NEBL: variants seen among roughly 807,000 people sequenced by gnomAD.
The protein encoded by NEBL is LIM and SH3 protein 2.
In NEBL, 122 loss-of-function variants were observed where a neutral mutation model predicts 140.2. The ratio of observed to expected loss-of-function variants is 0.87; its 90% CI spans 0.75 to 1.01. NEBL has a LOEUF of 1.01. Among genes scored for constraint, NEBL ranks in the 50% least tolerant of loss-of-function variants. NEBL has a pLI of 0.00. For synonymous variants in NEBL, 436 were observed against 398.9 expected, an observed-to-expected ratio of 1.09 and a Z score of -1.11; for missense variants, 1,365 against 1,231.3, an observed-to-expected ratio of 1.11 and a Z score of -1.62.
intron 6 of NEBL, among the ~76,000 whole-genome samples, chr10:20,869,218 T>C (rs866995665): frequency 6.6e-6 from 1 of 152,182 alleles, no homozygotes; most frequent in Admixed American, 6.5e-5. Flanking sequence ...TTGGTTCAAG[T>C]TAAATCATCA....
intron 2 of NEBL, among the ~76,000 whole-genome samples, chr10:21,028,235 C>CAAAAAAAAAAAAAAAAAAAAAA (rs1168946872): frequency 7.6e-5 from 5 of 66,206 alleles, no homozygotes; most frequent in Non-Finnish European, 1.0e-4. Flanking sequence ...TCAAACATCT[C>CAAAAAAAAAAAAAAAAAAAAAA]AAAAAAAAAA....
At chr10:20,943,581 A>C (rs1208675384) in intron 4 of NEBL, among the ~76,000 whole-genome samples, 1 of 152,170 alleles carries the variant, frequency 6.6e-6, no homozygotes, top group Non-Finnish European at 1.5e-5. Context: ...CTAAAAGTTA[A>C]AGTATAATAA....
rs144099209 is a variant in NEBL at position 20,811,579 on chromosome 10, CCTT to C, written c.2518+1187_2518+1189del. Among the ~76,000 whole-genome samples, 1,226 of 152,306 alleles carry C rather than the reference CCTT, an allele frequency of 8.0e-3. 11 individuals are homozygous for C. Among genetic ancestry groups the C allele is most frequent in the African/African-American group, 0.028 (1,147 of 41,560 alleles). ...AATTGCCTACAAACATGTTTGGAAT[CCTT>C]CTTCAGAAAATACTTCCAGAGTCAC... On this transcript the variant is annotated intron_variant, in intron 24 of 27. Transcript: ENST00000377122.
intron 2 of NEBL, among the ~76,000 whole-genome samples, chr10:21,074,888 T>C (rs1485972787): frequency 6.6e-6 from 1 of 152,032 alleles, no homozygotes; most frequent in African/African-American, 2.4e-5. Flanking sequence ...ACTGCAGCTT[T>C]GAACTCCTGA....
At chr10:20,832,833 A>G (rs1840543449) in intron 14 of NEBL, among the ~76,000 whole-genome samples, 2 of 152,080 alleles carry the variant, frequency 1.3e-5, no homozygotes, top group Non-Finnish European at 2.9e-5. Context: ...ACTGACTTAC[A>G]CTCCCAGTAT....
chr10:21,225,857 G>A (rs990150272), intron 3 of NEBL, among the ~76,000 whole-genome samples: 4 of 151,998 alleles, frequency 2.6e-5, no homozygotes, highest in African/African-American at 4.8e-5. Context: ...GCCTCCAGGA[G>A]CCCACTTAGT....
intron 16 of NEBL, among the ~76,000 whole-genome samples, chr10:20,828,888 T>C (rs1290689406): frequency 2.6e-5 from 4 of 152,114 alleles, no homozygotes; most frequent in African/African-American, 7.2e-5. Flanking sequence ...TAGATTTGAT[T>C]AAGGGAAAGT....
chr10:20,786,040 G>A lies in NEBL; in HGVS notation c.2869-117C>T, dbSNP rs569867189. On this transcript the variant is annotated intron_variant, in intron 27 of 27. Coordinates refer to ENST00000377122, the MANE Select transcript of NEBL (RefSeq NM_006393.3). ...CTATTAGGAATGTTTTCAAACACAT[G>A]TATCTCTGGAAATCTGTAAACCTAG... 7.1e-6 allele frequency: 7 copies of A among 985,492 alleles called. No homozygotes were observed. In the East Asian group the frequency reaches 1.2e-4, roughly 17 times the overall value. 61.0% of individuals were successfully genotyped at this position (985,492 alleles called of 1,614,324 possible). A position where few individuals can be genotyped will look rare whatever the true frequency, so the allele number is the denominator to read the frequency against.
chr10:21,240,640 T>C (rs1404037207), intron 3 of NEBL, among the ~76,000 whole-genome samples: 1 of 152,138 alleles, frequency 6.6e-6, no homozygotes, highest in Non-Finnish European at 1.5e-5. Flanking sequence ...AGCCATGATA[T>C]TAGATGTGTG....
chr10:20,829,420 A>T (rs1360986433), intron 16 of NEBL, among the ~76,000 whole-genome samples: 3 of 118,916 alleles, frequency 2.5e-5, no homozygotes, highest in Non-Finnish European at 3.3e-5. Context: ...GGAACATCAC[A>T]CTCTGGGGAC....
intron 5 of NEBL, among the ~76,000 whole-genome samples, chr10:20,878,768 G>A (rs936746429): frequency 6.6e-6 from 1 of 152,180 alleles, no homozygotes; most frequent in African/African-American, 2.4e-5. Context: ...AGGAGTATAA[G>A]TAAACACAGC....
At chr10:21,226,775 A>C (rs1312252032) in intron 3 of NEBL, among the ~76,000 whole-genome samples, 1 of 151,890 alleles carries the variant, frequency 6.6e-6, no homozygotes, top group Non-Finnish European at 1.5e-5. Flanking sequence ...CAGCAATTCA[A>C]GACTGTCTTT....
chr10:20,816,374 G>A (rs534025528), intron 21 of NEBL, among the ~76,000 whole-genome samples: 4 of 152,224 alleles, frequency 2.6e-5, no homozygotes, highest in South Asian at 2.1e-4. Flanking sequence ...AATTAACTGC[G>A]GCAGAATTTT....
chr10:20,902,188 G>A (rs879579951), upstream of NEBL, among the ~76,000 whole-genome samples: 2 of 152,036 alleles, frequency 1.3e-5, no homozygotes, highest in Non-Finnish European at 2.9e-5. Flanking sequence ...CGGATCATGA[G>A]GTCAGGAGAT....
At chr10:20,975,005 C>T (rs926606299) in intron 3 of NEBL, among the ~76,000 whole-genome samples, 1 of 152,108 alleles carries the variant, frequency 6.6e-6, no homozygotes, top group Non-Finnish European at 1.5e-5. Context: ...GATATAATTC[C>T]ATGGTGTTAC....
intron 2 of NEBL, among the ~76,000 whole-genome samples, chr10:21,061,359 A>ATGTAACATGTTACATATTATG (rs1835290001): frequency 1.3e-5 from 1 of 79,932 alleles, no homozygotes; most frequent in African/African-American, 5.3e-5. Context: ...TACATAATAT[A>ATGTAACATGTTACATATTATG]TGGGTCAGAT....
chr10:20,787,492 T>C (rs982412233), intron 26 of NEBL, among the ~76,000 whole-genome samples, 184 bp from the exon 27 acceptor site: 1 of 152,158 alleles, frequency 6.6e-6, no homozygotes, highest in African/African-American at 2.4e-5. Flanking sequence ...TCTTAGTAAT[T>C]AGGGACACAT....
At chr10:20,834,078 T>C (rs944513096) in intron 14 of NEBL, among the ~76,000 whole-genome samples, 2 of 152,170 alleles carry the variant, frequency 1.3e-5, no homozygotes, top group Non-Finnish European at 2.9e-5. Context: ...AAAAGATAAA[T>C]GGTCACATAT....
At chr10:20,922,774 T>G (rs1365604572) in intron 4 of NEBL, among the ~76,000 whole-genome samples, 1 of 152,184 alleles carries the variant, frequency 6.6e-6, no homozygotes, top group Non-Finnish European at 1.5e-5. Flanking sequence ...ATCCCATCCC[T>G]TCCGTTGCTC....
Sources: gnomAD v4.1 joint callset for allele counts (sites outside exome capture counted in the v4.1 genomes callset) on GRCh38, gnomAD v4.1.1 for gene constraint, MANE v1.5 for transcripts, NCBI Gene and HGNC (gene_info 2026-07-23, HGNC 2026-07-21) for gene names.